The following ATXN7 variants were observed in gnomAD, a reference collection of about 807,000 sequenced individuals.
ATXN7 encodes the protein ataxin 7, also known as ataxin-7.
A neutral mutation model predicts 70.5 loss-of-function variants in ATXN7; 12 were observed. The ratio of observed to expected loss-of-function variants is 0.17; its 90% CI spans 0.11 to 0.28. The LOEUF (loss-of-function observed/expected upper bound fraction) is 0.28, where lower values mean the gene tolerates loss of function less well. ATXN7 is among the 10% of genes least tolerant of loss of function. The probability of loss-of-function intolerance (pLI) is 1.00; values close to 1 mark genes in which losing one functional copy is unlikely to be tolerated. For missense variants in ATXN7, 1,256 were observed against 1,131.7 expected, an observed-to-expected ratio of 1.11 and a Z score of -1.58; for synonymous variants, 498 against 448.7, an observed-to-expected ratio of 1.11 and a Z score of -1.39.
chr3:63,957,074 G>A (rs1246366019), intron 5 of ATXN7, among the ~76,000 whole-genome samples: 1 of 152,192 alleles, frequency 6.6e-6, no homozygotes, highest in East Asian at 1.9e-4. Flanking sequence ...GTTAGCAGAT[G>A]ACTTGTGGGG....
At chr3:63,903,280 C>A (rs1004612092) in intron 2 of ATXN7, among the ~76,000 whole-genome samples, 2 of 149,486 alleles carry the variant, frequency 1.3e-5, no homozygotes, top group Non-Finnish European at 3.0e-5. Context: ...CCACCTACCC[C>A]GGAGGCTGAG....
At chr3:63,970,803 C>G (rs1416539547) in intron 5 of ATXN7, among the ~76,000 whole-genome samples, 1 of 152,162 alleles carries the variant, frequency 6.6e-6, no homozygotes, top group Non-Finnish European at 1.5e-5. Context: ...TGTTCTCTTT[C>G]ATGCAGCCAG....
chr3:63,879,496 T>G (rs546507756), intron 1 of ATXN7, among the ~76,000 whole-genome samples: 1 of 151,876 alleles, frequency 6.6e-6, no homozygotes, highest in South Asian at 2.1e-4. Context: ...AGTTTTTTTT[T>G]TTTTTTTTTT....
intron 11 of ATXN7, among the ~76,000 whole-genome samples, chr3:63,993,306 A>C (rs1465759099): frequency 7.2e-6 from 1 of 138,916 alleles, no homozygotes; most frequent in Non-Finnish European, 1.5e-5. Flanking sequence ...TTACTTTTTG[A>C]AATGGTAATA....
intron 1 of ATXN7, among the ~76,000 whole-genome samples, chr3:63,890,778 T>C (rs917466233): frequency 1.1e-4 from 16 of 152,156 alleles, no homozygotes; most frequent in African/African-American, 3.9e-4. Flanking sequence ...ATAATGTTTA[T>C]TTCTTGTTTA....
chr3:63,957,064 G>A (rs1472088458), intron 5 of ATXN7, among the ~76,000 whole-genome samples: 2 of 152,158 alleles, frequency 1.3e-5, no homozygotes, highest in African/African-American at 2.4e-5. Context: ...TTAGCACAGG[G>A]TTAGCAGATG....
At chr3:63,985,160 G>T (rs1559657401) in intron 8 of ATXN7, among the ~76,000 whole-genome samples, 1 of 152,142 alleles carries the variant, frequency 6.6e-6, no homozygotes, top group Non-Finnish European at 1.5e-5. Flanking sequence ...AAGTGAGGTT[G>T]CCAAAAGTTT....
chr3:63,883,133 A>C (rs1702968869), intron 1 of ATXN7, among the ~76,000 whole-genome samples: 1 of 152,218 alleles, frequency 6.6e-6, no homozygotes, highest in African/African-American at 2.4e-5. Context: ...GGAAAAATGG[A>C]AACAGGGCCC....
At chr3:63,889,075 T>C (rs1207207816) in intron 1 of ATXN7, among the ~76,000 whole-genome samples, 1 of 152,182 alleles carries the variant, frequency 6.6e-6, no homozygotes, top group East Asian at 1.9e-4. Context: ...ATTTCTAGCT[T>C]GGGTGTTCCA....
At chr3:63,993,529 T>G (rs1364057909) in intron 11 of ATXN7, among the ~76,000 whole-genome samples, 1 of 152,194 alleles carries the variant, frequency 6.6e-6, no homozygotes, top group Non-Finnish European at 1.5e-5. Flanking sequence ...ATGCTTGTTT[T>G]CCACCTAGCC....
chr3:63,943,517 G>A (rs966014527), intron 4 of ATXN7, among the ~76,000 whole-genome samples: 3 of 152,154 alleles, frequency 2.0e-5, no homozygotes, highest in Non-Finnish European at 4.4e-5. Flanking sequence ...AATTTCCAAA[G>A]TACTTACTGT....
chr3:63,980,052 A>C lies in ATXN7; in HGVS notation c.637A>C (p.Ser213Arg), dbSNP rs780316121. The C allele has an allele frequency of 3.1e-6, 5 of 1,614,098 alleles. No individual in the cohort carries two copies. The highest frequency in any genetic ancestry group is 4.2e-6 in the Non-Finnish European group (5 of 1,180,046). ...SNRSSSGGVL[S>R]ASSSSSKLLK... ...CCGTTCTTCCAGTGGAGGTGTTCTT[A>C]GCGCATCCTCATCAAGTTCCAAGTT... The change falls in exon 6 of 13, where the codon AGC becomes CGC. Residue 213 changes from serine (S) to arginine (R), a missense_variant. Ser to Arg is a moderately radical substitution (Grantham distance 110). Coordinates refer to ENST00000674280, the MANE Select transcript of ATXN7 (RefSeq NM_001377405.1).
chr3:63,898,560 G>A (rs1392442107), intron 2 of ATXN7, 63 bp downstream of exon 2: 2 of 152,196 alleles, frequency 1.3e-5, no homozygotes, highest in African/African-American at 4.8e-5. Context: ...AGTTATAATA[G>A]AGTTTGAGTT....
intron 5 of ATXN7, among the ~76,000 whole-genome samples, chr3:63,961,179 T>C (rs1201140211): frequency 6.6e-6 from 1 of 152,184 alleles, no homozygotes; most frequent in Admixed American, 6.5e-5. Flanking sequence ...TACCAATGTA[T>C]TTTTTCCCCT....
Position 63,863,876 on chromosome 3 carries a change from C to G in ATXN7, c.-393C>G. 2.5e-6 allele frequency: 3 copies of G among 1,190,438 alleles called. No individual in the cohort carries two copies. The highest frequency in any genetic ancestry group is 3.1e-6 in the Non-Finnish European group (3 of 967,610). The allele number at this position is 1,190,438 out of a possible 1,614,324, so 73.7% of individuals were successfully genotyped here. A position where few individuals can be genotyped will look rare whatever the true frequency, so the allele number is the denominator to read the frequency against. ...CGGAGGTCAAACTCCCACAATGCAG[C>G]CGGGTAAACAGCCATGGAGGAGGAG... On this transcript the variant is annotated 5_prime_UTR_variant, in exon 1 of 13. Coordinates refer to ENST00000674280, the MANE Select transcript of ATXN7 (RefSeq NM_001377405.1).
intron 5 of ATXN7, among the ~76,000 whole-genome samples, chr3:63,965,984 T>C (rs973552084): frequency 7.9e-5 from 12 of 152,236 alleles, no homozygotes; most frequent in African/African-American, 2.9e-4. Context: ...TATAGACGTT[T>C]GTTTGTAGCA....
intron 4 of ATXN7, among the ~76,000 whole-genome samples, chr3:63,949,857 T>A (rs901432816): frequency 1.3e-5 from 2 of 152,200 alleles, no homozygotes; most frequent in Non-Finnish European, 2.9e-5. Context: ...GAGTCCTGGT[T>A]ATGCCGCTTT....
rs1289089104 is a variant in ATXN7 at position 63,995,661 on chromosome 3, A to G, written c.1839A>G (p.Pro613=). 6.2e-7 allele frequency: 1 copy of G among 1,614,060 alleles called. No homozygotes were observed. The highest frequency in any genetic ancestry group is 2.2e-5 in the East Asian group (1 of 44,894). Residue 613 remains proline, a synonymous_variant, in exon 12 of 13, where the codon CCA becomes CCG. Coordinates refer to ENST00000674280, the MANE Select transcript of ATXN7 (RefSeq NM_001377405.1). ...TGCTCTCATCTACCTGCATCTCCCC[A>G]AATAGCAAATCGGTACCAGCTCATG... The part of the protein sequence containing the change: ...PVLLSSTCIS[P]NSKSVPAHGT...
At chr3:63,885,315 C>G (rs1008326545) in intron 1 of ATXN7, among the ~76,000 whole-genome samples, 1 of 152,128 alleles carries the variant, frequency 6.6e-6, no homozygotes, top group African/African-American at 2.4e-5. Context: ...ACAAGACGTA[C>G]AGATGGCCAA....
Sources: allele counts gnomAD v4.1 joint callset (sites outside exome capture counted in the v4.1 genomes callset), GRCh38; gene constraint gnomAD v4.1.1; transcripts MANE v1.5; gene names NCBI Gene and HGNC (gene_info 2026-07-23, HGNC 2026-07-21).